Variants in VASH2 observed in about 807,000 individuals in gnomAD.
VASH2 encodes tubulinyl-Tyr carboxypeptidase 2.
A neutral mutation model predicts 37.2 loss-of-function variants in VASH2; 28 were observed. The ratio of observed to expected loss-of-function variants is 0.75; its 90% confidence interval spans 0.56 to 1.03. VASH2 has a LOEUF of 1.03. Ranked by LOEUF, VASH2 falls within the 50% of genes least tolerant of loss-of-function variation. The pLI is 0.00. For missense variants in VASH2, 419 were observed against 459.1 expected (o/e 0.91, Z 0.80); for synonymous variants, 188 against 174.7 (o/e 1.08, Z -0.60).
Position 212,951,868 on chromosome 1 carries a change from G to A in VASH2, c.276+50G>A. 1.3e-6 allele frequency: 2 copies of A among 1,560,794 alleles called. No individual in the cohort carries two copies. Among genetic ancestry groups the A allele is most frequent in the South Asian group, 1.2e-5 (1 of 84,890 alleles). ...GGGGGGCTGGGGGTAGGTAGGCAGC[G>A]ATGGGACCGTTTCAGCCTATACATA... On this transcript the variant is annotated intron_variant, in intron 2 of 7. Coordinates refer to ENST00000517399, the MANE Select transcript of VASH2 (RefSeq NM_001301056.2). This position sits in a 1 kb window ranked among gnomAD's most constrained non-coding sequence, Gnocchi z 4.4.
At position 212,951,819 on chromosome 1, in the gene VASH2, G is replaced by T; in HGVS notation, c.276+1G>T. The T allele has an allele frequency of 6.2e-7, 1 of 1,601,330 alleles. No individual in the cohort carries two copies. Among genetic ancestry groups the T allele is most frequent in the Non-Finnish European group, 8.5e-7 (1 of 1,176,710 alleles). On this transcript the variant is annotated splice_donor_variant, in intron 2 of 7. Coordinates refer to ENST00000517399, the MANE Select transcript of VASH2 (RefSeq NM_001301056.2). LOFTEE classifies it high-confidence loss of function. This position sits in a 1 kb window ranked among gnomAD's most constrained non-coding sequence, Gnocchi z 4.4. ...CAGGAACGCCGCCTTCTTGGCAAAGGTCAGTGGCTTCCAGGGCGGAGTTGG... is the reference window on the plus strand; with the variant it reads ...CAGGAACGCCGCCTTCTTGGCAAAGTTCAGTGGCTTCCAGGGCGGAGTTGG...
In VASH2 at chr1:212,951,635, C is replaced by A; in HGVS notation, c.93C>A (p.Ser31Arg). 6.3e-7 allele frequency: 1 copy of A among 1,576,030 alleles called. No homozygotes were observed. Among genetic ancestry groups the A allele is most frequent in the Non-Finnish European group, 8.6e-7 (1 of 1,161,372 alleles). The change falls in exon 2 of 8, where the codon AGC becomes AGA. Residue 31 changes from serine to arginine, a missense_variant. By Grantham distance (110) the Ser-to-Arg change is moderately radical. Coordinates refer to ENST00000517399, the MANE Select transcript of VASH2 (RefSeq NM_001301056.2). The surrounding 1 kb of genome is among the most constrained non-coding windows in gnomAD (Gnocchi z 4.4). The part of the protein sequence containing the change: ...RSRSSHARPV[S>R]LATSGGSEEE... The stretch of plus-strand genomic sequence containing the variant: ...GGAGCAGCCACGCGCGGCCCGTGAG[C>A]CTCGCCACCAGCGGGGGCTCAGAGG...
intron 5 of VASH2, among the ~76,000 whole-genome samples, chr1:212,969,457 A>G (rs1457369599): frequency 1.3e-5 from 2 of 151,328 alleles, no homozygotes; most frequent in African/African-American, 4.9e-5. Flanking sequence ...CGGCCTCCCA[A>G]AGTGCTGGGA....
chr1:212,982,189 T>G (rs1258214091), intron 7 of VASH2, among the ~76,000 whole-genome samples: 1 of 152,222 alleles, frequency 6.6e-6, no homozygotes, highest in Non-Finnish European at 1.5e-5. Flanking sequence ...GCTTTCACCC[T>G]AGTTCACTCT....
rs1223626852 is a variant in VASH2, at chr1:212,966,251, T to G, written c.423-20T>G. 1.3e-6 allele frequency: 2 copies of G among 1,550,124 alleles called. No homozygotes were observed. The highest frequency in any genetic ancestry group is 1.7e-6 in the Non-Finnish European group (2 of 1,145,560). ...TAATTAAATAGGTTCTGAGATCCTC[T>G]GCTGTGCTCTATCCTACAGGTTAAT... On this transcript the variant is annotated intron_variant, in intron 4 of 7. Transcript: ENST00000517399.
At chr1:212,966,061 G>A (rs1439023961) in intron 4 of VASH2, 2 of 602,696 alleles carry the variant, frequency 3.3e-6, no homozygotes, top group Non-Finnish European at 5.9e-6. Flanking sequence ...CCCCGTGCTG[G>A]GGCATTGGGA....
rs555447729 is a variant in VASH2 at position 212,969,714 on chromosome 1, G to A, written c.498-2866G>A. ...CATCTCTGTCTTTTCTCTTTGCTTT[G>A]GTCAGCATCCCTGGGTCCTGCTTTC... On this transcript the variant is annotated intron_variant, in intron 5 of 7. Coordinates refer to ENST00000517399, the MANE Select transcript of VASH2 (RefSeq NM_001301056.2). 1.1e-4 allele frequency among the ~76,000 whole-genome samples: 16 copies of A among 152,234 alleles called. No homozygotes were observed. In the East Asian group the frequency reaches 2.7e-3, roughly 26 times the overall value.
At chr1:212,975,897 A>G (rs765992417) in intron 7 of VASH2, among the ~76,000 whole-genome samples, 3 of 152,234 alleles carry the variant, frequency 2.0e-5, no homozygotes, top group Non-Finnish European at 4.4e-5. Flanking sequence ...GGATTCCTGC[A>G]CAGAATGGTG....
Position 212,950,934 on chromosome 1 carries a change from C to G in VASH2, c.-205+194C>G, listed in dbSNP as rs563879356. 2.0e-5 allele frequency among the ~76,000 whole-genome samples: 3 copies of G among 152,260 alleles called. No individual in the cohort carries two copies. Among genetic ancestry groups the G allele is most frequent in the Non-Finnish European group, 4.4e-5 (3 of 68,042 alleles). ...CAAGCCAAGGCTGCTGCAGCGCCCT[C>G]GCGCCAGCTCTGGGCGCTCACATGC... On this transcript the variant is annotated intron_variant, in intron 1 of 7. Coordinates refer to ENST00000517399, the MANE Select transcript of VASH2 (RefSeq NM_001301056.2). This position sits in a 1 kb window ranked among gnomAD's most constrained non-coding sequence, Gnocchi z 5.5.
intron 7 of VASH2, among the ~76,000 whole-genome samples, chr1:212,981,919 C>G (rs979991130): frequency 1.3e-5 from 2 of 152,242 alleles, no homozygotes; most frequent in African/African-American, 4.8e-5. Context: ...TGTGGCTGCA[C>G]AGATGGCACC....
chr1:212,987,367 G>A (rs2102665856), intron 7 of VASH2, among the ~76,000 whole-genome samples: 1 of 152,072 alleles, frequency 6.6e-6, no homozygotes, highest in South Asian at 2.1e-4. Context: ...CCTGAGGTCA[G>A]GAGTTCGAGA....
At position 212,977,153 on chromosome 1, in the gene VASH2, G is replaced by A. The variant is rs952866590; in HGVS notation, c.995+3083G>A. Among the ~76,000 whole-genome samples, 6 of 149,632 alleles carry A rather than the reference G, an allele frequency of 4.0e-5. No individual in the cohort carries two copies. In the South Asian group the frequency reaches 1.3e-3, roughly 32 times the overall value. ...GGCTGGAACCAGCCTGCGAAAGGGA[G>A]TGAGAGTGAGAGCTGATGGAGCTGA... On this transcript the variant is annotated intron_variant, in intron 7 of 7. Transcript: ENST00000517399.
chr1:212,977,635 G>A (rs1479901720), intron 7 of VASH2, among the ~76,000 whole-genome samples: 2 of 152,112 alleles, frequency 1.3e-5, no homozygotes, highest in Non-Finnish European at 2.9e-5. Flanking sequence ...TACCTTAAGT[G>A]GCCTTTATCC....
intron 7 of VASH2, among the ~76,000 whole-genome samples, chr1:212,988,075 TGA>T (rs1667534656): frequency 6.6e-6 from 1 of 152,216 alleles, no homozygotes; most frequent in African/African-American, 2.4e-5. Context: ...CCTGGGAACG[TGA>T]GTCACCTTTG....
At chr1:212,962,692 C>T (rs1211026928) in intron 3 of VASH2, among the ~76,000 whole-genome samples, 1 of 152,238 alleles carries the variant, frequency 6.6e-6, no homozygotes, top group Admixed American at 6.5e-5. Context: ...CACGGATCAT[C>T]AACTCCCCAA....
At position 212,960,418 on chromosome 1, in the gene VASH2, G is replaced by A. The variant is rs539911468; in HGVS notation, c.277-748G>A. 4.6e-5 allele frequency among the ~76,000 whole-genome samples: 7 copies of A among 152,360 alleles called. No homozygotes were observed. In the South Asian group the frequency reaches 1.2e-3, roughly 27 times the overall value. On this transcript the variant is annotated intron_variant, in intron 2 of 7. Transcript: ENST00000517399. ...TTGTCTGGGGAGAGTCGAGGCAAGA[G>A]GAGGGATCTTCCCTAATCCATCTGG...
In VASH2 at chr1:212,951,658, A is replaced by T. The variant is rs1275790750; in HGVS notation, c.116A>T (p.Glu39Val). The change falls in exon 2 of 8, where the codon GAG becomes GTG. Residue 39 changes from glutamate to valine, a missense_variant. Around this residue, in one of 3 missense-constraint regions of VASH2, gnomAD observed 158 missense variants for 163.0 expected, o/e 0.97. Transcript: ENST00000517399. This position sits in a 1 kb window ranked among gnomAD's most constrained non-coding sequence, Gnocchi z 4.4. ...AGCCTCGCCACCAGCGGGGGCTCAG[A>T]GGAGGAGGACAAAGACGGCGGGGTG... ...PVSLATSGGS[E>V]EEDKDGGVLF... The T allele has an allele frequency of 6.3e-7, 1 of 1,591,218 alleles. No homozygotes were observed. Among genetic ancestry groups the T allele is most frequent in the South Asian group, 1.1e-5 (1 of 87,186 alleles).
rs2075825601 is a variant in VASH2 at position 212,988,806 on chromosome 1, C to G, written c.*222C>G. 1.9e-6 allele frequency: 1 copy of G among 533,298 alleles called. No individual in the cohort carries two copies. Among genetic ancestry groups the G allele is most frequent in the African/African-American group, 1.9e-5 (1 of 52,588 alleles). 33.0% of individuals were successfully genotyped at this position (533,298 alleles called of 1,614,324 possible). A position where few individuals can be genotyped will look rare whatever the true frequency, so the allele number is the denominator to read the frequency against. ...AGTAATAAGCCCCACTGGGGTTGGA[C>G]TATGTCCCTCACTCAAGATCTTAAG... On this transcript the variant is annotated 3_prime_UTR_variant, in exon 8 of 8. Transcript: ENST00000517399.
intron 2 of VASH2, among the ~76,000 whole-genome samples, chr1:212,959,266 C>CTGTG (rs140070220): frequency 7.3e-4 from 110 of 151,112 alleles, no homozygotes; most frequent in South Asian, 3.6e-3. Context: ...TTGACTTGCT[C>CTGTG]TGTGTGTGTG....
Sources: gnomAD v4.1 joint callset for allele counts (sites outside exome capture counted in the v4.1 genomes callset) on GRCh38, gnomAD v4.1.1 for gene constraint, gnomAD v4.1.1 regional missense constraint, Gnocchi (gnomAD v3.1) non-coding constraint, MANE v1.5 for transcripts, NCBI Gene and HGNC (gene_info 2026-07-23, HGNC 2026-07-21) for gene names.